COX6A1: variants seen among roughly 807,000 people sequenced by gnomAD.
COX6A1 encodes the protein cytochrome c oxidase subunit 6A1, mitochondrial.
In COX6A1, 10 loss-of-function variants were observed where a neutral mutation model predicts 11.3. That is an observed-to-expected ratio of 0.88 (90% CI 0.54 to 1.50). The LOEUF is 1.50. COX6A1 is among the 40% of genes most tolerant of loss of function. The pLI is 0.00. For synonymous variants in COX6A1, 81 were observed against 60.6 expected, an observed-to-expected ratio of 1.34 and a Z score of -1.57; for missense variants, 149 against 147.6, an observed-to-expected ratio of 1.01 and a Z score of -0.05.
At chr12:120,440,199 T>C (rs1326502760) in intron 2 of COX6A1, 6 of 376,886 alleles carry the variant, frequency 1.6e-5, no homozygotes, top group East Asian at 5.2e-5. Flanking sequence ...AGTAACTAAC[T>C]TGAGCTTGCA....
chr12:120,440,432 AACTG>A lies in COX6A1; in HGVS notation c.247-19_247-16del. The A allele has an allele frequency of 1.9e-6, 3 of 1,575,472 alleles. No individual in the cohort carries two copies. The highest frequency in any genetic ancestry group is 1.1e-5 in the South Asian group (1 of 90,286). On this transcript the variant is annotated intron_variant, in intron 2 of 2. Coordinates refer to ENST00000229379, the MANE Select transcript of COX6A1 (RefSeq NM_004373.4). ...TCTAAATTATTTTCTGGAATTATCTAACTGACATCTTCACTCCACAGCCGTTTCC... is the reference window on the plus strand; with the variant it reads ...TCTAAATTATTTTCTGGAATTATCTAACATCTTCACTCCACAGCCGTTTCC...
chr12:120,439,164 T>C (rs1877653270), intron 2 of COX6A1, among the ~76,000 whole-genome samples: 2 of 152,248 alleles, frequency 1.3e-5, no homozygotes, highest in Admixed American at 1.3e-4. Context: ...TCATTGGTTG[T>C]TGATGTAGAT....
intron 2 of COX6A1, chr12:120,438,950 A>G: frequency 5.6e-6 from 1 of 179,762 alleles, no homozygotes; most frequent in South Asian, 9.7e-5. Context: ...AAGCAGGAGA[A>G]TCCCTTGAAC....
chr12:120,439,555 C>T (rs896647550), intron 2 of COX6A1, among the ~76,000 whole-genome samples: 1 of 152,018 alleles, frequency 6.6e-6, no homozygotes, highest in African/African-American at 2.4e-5. Context: ...TAATAATATA[C>T]TTGATCTTAG....
intron 1 of COX6A1, 75 bp downstream of exon 1, chr12:120,438,304 C>T (rs1877621776): frequency 1.2e-6 from 2 of 1,613,130 alleles, no homozygotes; most frequent in Non-Finnish European, 1.7e-6. Context: ...GACCTTGGCC[C>T]GAGGCCTTGC....
intron 2 of COX6A1, among the ~76,000 whole-genome samples, chr12:120,439,071 G>C (rs1268908965): frequency 9.2e-5 from 14 of 151,954 alleles, no homozygotes. Context: ...ACAAAACATG[G>C]GCATCTGGCA....
At position 120,438,500 on chromosome 12, in the gene COX6A1, C is replaced by T. The variant is rs772857750; in HGVS notation, c.225C>T (p.Pro75=). 2.2e-5 allele frequency: 36 copies of T among 1,614,084 alleles called. No homozygotes were observed. The highest frequency in any genetic ancestry group is 2.8e-5 in the Non-Finnish European group (33 of 1,180,056). The part of the protein sequence containing the change: ...EHERPEFIAY[P]HLRIRTKPFP... The stretch of plus-strand genomic sequence containing the variant: ...AGAGACCCGAGTTCATCGCCTACCC[C>T]CATCTCCGCATCAGGACCAAGGTAC... Residue 75 remains proline (P), a synonymous_variant, in exon 2 of 3, where the codon CCC becomes CCT. Coordinates refer to ENST00000229379, the MANE Select transcript of COX6A1 (RefSeq NM_004373.4).
chr12:120,438,539 T>C lies in COX6A1; in HGVS notation c.246+18T>C. The C allele has an allele frequency of 6.2e-7, 1 of 1,614,194 alleles. No homozygotes were observed. Among genetic ancestry groups the C allele is most frequent in the Non-Finnish European group, 8.5e-7 (1 of 1,180,016 alleles). ...GGACCAAGGTACGCCCTTGTACATC[T>C]CTTCAAGCGTCCGTTCTCTTTTCGT... On this transcript the variant is annotated intron_variant, in intron 2 of 2. Transcript: ENST00000229379.
rs149689691 is a variant in COX6A1 at position 120,440,527 on chromosome 12, A to T, written c.320A>T (p.Glu107Val). Residue 107 changes from glutamate to valine, a missense_variant, in exon 3 of 3, where the codon GAA (glutamate) becomes GTA (valine). Glu to Val is a moderately radical substitution (Grantham distance 121, BLOSUM62 -2). Coordinates refer to ENST00000229379, the MANE Select transcript of COX6A1 (RefSeq NM_004373.4). Reference protein sequence around the residue: ...PHVNPLPTGYEDE With the variant: ...PHVNPLPTGYVDE ...GTGAATCCACTTCCAACTGGCTACG[A>T]AGATGAATAAAGAGAATCTGGACCA... 7 of 1,605,212 alleles carry T rather than the reference A, an allele frequency of 4.4e-6. No individual in the cohort carries two copies. In the African/African-American group the frequency reaches 9.4e-5, roughly 21 times the overall value.
intron 2 of COX6A1, among the ~76,000 whole-genome samples, chr12:120,439,447 G>A (rs1877668316): frequency 6.6e-6 from 1 of 151,960 alleles, no homozygotes; most frequent in African/African-American, 2.4e-5. Context: ...GAATCTAGGA[G>A]GTTGAACCCA....
chr12:120,438,289 A>G, intron 1 of COX6A1, 60 bp downstream of exon 1: 1 of 1,612,588 alleles, frequency 6.2e-7, no homozygotes, highest in Non-Finnish European at 8.5e-7. Context: ...ACAGGGAGGG[A>G]CTGTGACCTT....
chr12:120,439,233 T>C (rs572593455), intron 2 of COX6A1, among the ~76,000 whole-genome samples: 2 of 152,214 alleles, frequency 1.3e-5, no homozygotes, highest in Non-Finnish European at 2.9e-5. Context: ...CTTATTCTGA[T>C]TCTTCAATAC....
chr12:120,439,293 A>G (rs1877656561), intron 2 of COX6A1, among the ~76,000 whole-genome samples: 1 of 152,098 alleles, frequency 6.6e-6, no homozygotes, highest in Non-Finnish European at 1.5e-5. Context: ...TTGGGAGGCC[A>G]AGGTGGGTGG....
chr12:120,438,657 TC>T, intron 2 of COX6A1, 136 bp downstream of exon 2: 1 of 1,278,144 alleles, frequency 7.8e-7, no homozygotes, highest in East Asian at 2.3e-5. Flanking sequence ...AAATGTATTT[TC>T]TTCCATTTTG....
intron 2 of COX6A1, among the ~76,000 whole-genome samples, chr12:120,439,081 A>T (rs1877651647): frequency 6.6e-6 from 1 of 152,152 alleles, no homozygotes; most frequent in Non-Finnish European, 1.5e-5. Flanking sequence ...GGCATCTGGC[A>T]GCTACTAGTT....
Position 120,438,163 on chromosome 12 carries a change from C to T in COX6A1, c.37C>T (p.Leu13=), listed in dbSNP as rs1877615666. 6 of 1,613,738 alleles carry T rather than the reference C, an allele frequency of 3.7e-6. No homozygotes were observed. The highest frequency in any genetic ancestry group is 5.1e-6 in the Non-Finnish European group (6 of 1,179,956). ...VVGVSSVSRL[L]GRSRPQLGRP... is the part of the protein sequence containing the mutation. ...TGGTGTGTCCTCGGTTTCTCGGCTG[C>T]TGGGTCGGTCCCGCCCACAGCTGGG... The change falls in exon 1 of 3, where the codon CTG becomes TTG. Residue 13 remains leucine (L), a synonymous_variant. Transcript: ENST00000229379.
Position 120,440,677 on chromosome 12 carries a change from C to T in COX6A1, c.*140C>T, listed in dbSNP as rs1010378254. 17 of 553,670 alleles carry T rather than the reference C, an allele frequency of 3.1e-5. No homozygotes were observed. The highest frequency in any genetic ancestry group is 5.2e-5 in the Non-Finnish European group (16 of 305,802). 34.3% of individuals were successfully genotyped at this position (553,670 alleles called of 1,614,324 possible). A position where few individuals can be genotyped will look rare whatever the true frequency, so the allele number is the denominator to read the frequency against. ...ATCAAATGATGACTGGTATACTGGTCTCCCATCCCTTTGCTTGTGGCAGGA... is the reference window on the plus strand; with the variant it reads ...ATCAAATGATGACTGGTATACTGGTTTCCCATCCCTTTGCTTGTGGCAGGA... On this transcript the variant is annotated 3_prime_UTR_variant, in exon 3 of 3. Coordinates refer to ENST00000229379, the MANE Select transcript of COX6A1 (RefSeq NM_004373.4).
Position 120,440,495 on chromosome 12 carries a change from C to T in COX6A1, c.288C>T (p.Asn96=), listed in dbSNP as rs755039018. ...ATGGTAACCATACTCTATTCCATAA[C>T]CCTCATGTGAATCCACTTCCAACTG... ...WGDGNHTLFH[N]PHVNPLPTGY... The change falls in exon 3 of 3, where the codon AAC becomes AAT. Residue 96 remains asparagine, a synonymous_variant. Coordinates refer to ENST00000229379, the MANE Select transcript of COX6A1 (RefSeq NM_004373.4). 1.9e-6 allele frequency: 3 copies of T among 1,613,420 alleles called. No homozygotes were observed. The highest frequency in any genetic ancestry group is 2.2e-5 in the South Asian group (2 of 91,056).
At chr12:120,438,685 A>C (rs1877634435) in intron 2 of COX6A1, 164 bp downstream of exon 2, 3 of 866,104 alleles carry the variant, frequency 3.5e-6, no homozygotes, top group Non-Finnish European at 5.4e-6. Flanking sequence ...GACAGCTGAC[A>C]CTTGGGATTA....
Sources: gnomAD v4.1 joint callset for allele counts (sites outside exome capture counted in the v4.1 genomes callset) on GRCh38, gnomAD v4.1.1 for gene constraint, MANE v1.5 for transcripts, NCBI Gene and HGNC (gene_info 2026-07-23, HGNC 2026-07-21) for gene names.